Variants in SCAF8 observed in about 807,000 individuals in gnomAD.
SCAF8 encodes the protein SR-related CTD associated factor 8, also known as SR-related and CTD-associated factor 8.
SCAF8 carries 23 observed loss-of-function variants against 140.5 expected under a neutral mutation model. That is an observed-to-expected ratio of 0.16 (90% CI 0.12 to 0.23). The LOEUF is 0.23. Among genes scored for constraint, SCAF8 ranks in the 10% least tolerant of loss-of-function variants. SCAF8 has a pLI of 1.00. For missense variants in SCAF8, 1,397 were observed against 1,555.7 expected, an observed-to-expected ratio of 0.90 and a Z score of 1.72; for synonymous variants, 575 against 528.9, an observed-to-expected ratio of 1.09 and a Z score of -1.20.
At chr6:154,771,660 G>A (rs1459300601) in intron 1 of SCAF8, among the ~76,000 whole-genome samples, 2 of 152,160 alleles carry the variant, frequency 1.3e-5, no homozygotes, top group African/African-American at 2.4e-5. Context: ...CCAAATGCAT[G>A]TTCTCACAAG....
rs539968106 is a variant in SCAF8, at chr6:154,757,239, C to T, written c.31-16750C>T. 1.5e-3 allele frequency among the ~76,000 whole-genome samples: 228 copies of T among 152,296 alleles called. 1 individual carries two copies. Among genetic ancestry groups the T allele is most frequent in the South Asian group, 2.7e-3 (13 of 4,824 alleles). On this transcript the variant is annotated intron_variant, in intron 1 of 19. Coordinates refer to ENST00000367178, the MANE Select transcript of SCAF8 (RefSeq NM_014892.5). The stretch of plus-strand genomic sequence containing the variant: ...CAAACTCCTGGCCTCAAGTGATCTG[C>T]CTGCCTTGGCCTCCCAAAGTGCTGG...
chr6:154,779,450 A>G (rs979392295), intron 3 of SCAF8, among the ~76,000 whole-genome samples: 2 of 152,190 alleles, frequency 1.3e-5, no homozygotes, highest in African/African-American at 4.8e-5. Context: ...GGAACCTGAG[A>G]TTCTGCATTT....
In SCAF8 at chr6:154,805,376, G is replaced by A. The variant is rs945026825; in HGVS notation, c.871G>A (p.Val291Ile). The change falls in exon 9 of 20, where the codon GTT becomes ATT. Residue 291 changes from valine (V) to isoleucine (I), a missense_variant. Transcript: ENST00000367178. ...ACCTGTTTTTCCTTTTAGTTCTCAC[G>A]TTTCAGAATCTGTGAACAATTCCAT... The part of the protein sequence containing the change: ...KEIPASQLSH[V>I]SESVNNSIFH... 2 of 1,598,668 alleles carry A rather than the reference G, an allele frequency of 1.3e-6. No individual in the cohort carries two copies. The highest frequency in any genetic ancestry group is 8.6e-7 in the Non-Finnish European group (1 of 1,167,882).
intron 12 of SCAF8, among the ~76,000 whole-genome samples, chr6:154,812,176 CTTTTTTT>C (rs67493657): frequency 3.8e-5 from 4 of 106,404 alleles, no homozygotes; most frequent in Non-Finnish European, 7.2e-5. Context: ...AAGATACTGC[CTTTTTTT>C]TTTTTTTTTT....
intron 1 of SCAF8, among the ~76,000 whole-genome samples, chr6:154,735,805 C>T (rs1778401573): frequency 6.6e-6 from 1 of 151,816 alleles, no homozygotes; most frequent in African/African-American, 2.4e-5. Context: ...TGTGCCACTG[C>T]GCCTGGTGTT....
In SCAF8 at chr6:154,831,703, T is replaced by TA. The variant is rs58013583; in HGVS notation, c.2360-197dup. 9.0e-3 allele frequency among the ~76,000 whole-genome samples: 434 copies of TA among 48,088 alleles called. 49 individuals are homozygous for TA. The highest frequency in any genetic ancestry group is 0.013 in the South Asian group (10 of 762). 31.5% of individuals were successfully genotyped at this position (48,088 alleles called of 152,430 possible). A position where few individuals can be genotyped will look rare whatever the true frequency, so the allele number is the denominator to read the frequency against. ...CCTTTTAAACCTCCACTCCTGTTCT[T>TA]AAAAAAAAAAAAAAAAAAAAAAAAA... On this transcript the variant is annotated intron_variant, in intron 19 of 19. Transcript: ENST00000367178.
In SCAF8 at chr6:154,830,950, A is replaced by C. The variant is rs532402618; in HGVS notation, c.2169A>C (p.Thr723=). 2.5e-5 allele frequency: 40 copies of C among 1,614,112 alleles called. No homozygotes were observed. In the Admixed American group the frequency reaches 2.5e-4, roughly 10 times the overall value. Residue 723 remains threonine (T), a synonymous_variant, in exon 19 of 20, where the codon ACA becomes ACC. Coordinates refer to ENST00000367178, the MANE Select transcript of SCAF8 (RefSeq NM_014892.5). ...TAGTGCAGCCGTCATTATCCATGAC[A>C]CCGGAAACTGTGAAAGATGTTGGAT... is the stretch of plus-strand genomic sequence containing the variant. ...TSLVQPSLSM[T]PETVKDVGFG... is the part of the protein sequence containing the mutation.
Position 154,746,713 on chromosome 6 carries a change from C to T in SCAF8, c.30+12783C>T, listed in dbSNP as rs1778708398. Reference sequence around the variant, plus strand: ...TTCATTTTTTGTTTTTGTCTAAGGGCATGTAGTTAAAATACTATGTACAAA... The same window carrying T: ...TTCATTTTTTGTTTTTGTCTAAGGGTATGTAGTTAAAATACTATGTACAAA... On this transcript the variant is annotated intron_variant, in intron 1 of 19. Coordinates refer to ENST00000367178, the MANE Select transcript of SCAF8 (RefSeq NM_014892.5). 2.0e-5 allele frequency among the ~76,000 whole-genome samples: 3 copies of T among 152,116 alleles called. No individual in the cohort carries two copies. The South Asian group carries it at 6.2e-4, about 31-fold the overall frequency.
chr6:154,769,571 T>G (rs1562436079), intron 1 of SCAF8, among the ~76,000 whole-genome samples: 1 of 152,246 alleles, frequency 6.6e-6, no homozygotes, highest in Non-Finnish European at 1.5e-5. Flanking sequence ...GCTTTTTATT[T>G]TGATAATAGC....
In SCAF8 at chr6:154,733,663, T is replaced by G. The variant is rs1429921892; in HGVS notation, c.-238T>G. On this transcript the variant is annotated 5_prime_UTR_variant, in exon 1 of 20. Transcript: ENST00000367178. ...CGCCGACCCGCCCCGGCAGCGCCTC[T>G]GTTCCCTAGAACGGCGCTCCCCCCG... 1 of 1,161,682 alleles carries G rather than the reference T, an allele frequency of 8.6e-7. No homozygotes were observed. The highest frequency in any genetic ancestry group is 1.7e-5 in the African/African-American group (1 of 58,596). The allele number at this position is 1,161,682 out of a possible 1,614,324, so 72.0% of individuals were successfully genotyped here.
At chr6:154,778,997 GTT>G (rs1300162609) in intron 3 of SCAF8, among the ~76,000 whole-genome samples, 1 of 152,072 alleles carries the variant, frequency 6.6e-6, no homozygotes, top group East Asian at 1.9e-4. Flanking sequence ...TTCTTTAAAA[GTT>G]TTAATGTCTG....
Position 154,733,710 on chromosome 6 carries a change from C to A in SCAF8, c.-191C>A, listed in dbSNP as rs936826275. The A allele has an allele frequency of 1.1e-4, 151 of 1,317,816 alleles. 2 individuals carry two copies. In the Admixed American group the frequency reaches 4.9e-3, roughly 43 times the overall value. 81.6% of individuals were successfully genotyped at this position (1,317,816 alleles called of 1,614,324 possible). Reference sequence around the variant, plus strand: ...CCCGCCCTAGCGGCCATGCCGGTGCCGCTCTGCCGCTGAGGGAGCCCTTCC... The same window carrying A: ...CCCGCCCTAGCGGCCATGCCGGTGCAGCTCTGCCGCTGAGGGAGCCCTTCC... On this transcript the variant is annotated 5_prime_UTR_variant, in exon 1 of 20. Coordinates refer to ENST00000367178, the MANE Select transcript of SCAF8 (RefSeq NM_014892.5).
chr6:154,740,316 A>T (rs1238929670), intron 1 of SCAF8, among the ~76,000 whole-genome samples: 1 of 152,186 alleles, frequency 6.6e-6, no homozygotes, highest in East Asian at 1.9e-4. Context: ...ATTAGATGCC[A>T]CTAGCACCCT....
chr6:154,738,408 G>A (rs1447285321), intron 1 of SCAF8, among the ~76,000 whole-genome samples: 1 of 152,132 alleles, frequency 6.6e-6, no homozygotes, highest in Non-Finnish European at 1.5e-5. Context: ...TAATTGTGCA[G>A]GAATTATGTG....
intron 1 of SCAF8, among the ~76,000 whole-genome samples, chr6:154,736,661 T>G (rs1778429715): frequency 6.6e-6 from 1 of 152,144 alleles, no homozygotes; most frequent in Non-Finnish European, 1.5e-5. Flanking sequence ...GGAAGAAATG[T>G]TAATTCCAGT....
intron 1 of SCAF8, among the ~76,000 whole-genome samples, chr6:154,753,478 T>C (rs1394692969): frequency 6.9e-6 from 1 of 145,910 alleles, no homozygotes; most frequent in East Asian, 2.0e-4. Context: ...AAAAAATAAA[T>C]TAAAAAAAAA....
At chr6:154,801,871 A>G in intron 6 of SCAF8, 100 bp from the exon 7 acceptor site, 1 of 718,478 alleles carries the variant, frequency 1.4e-6, no homozygotes, top group Non-Finnish European at 2.3e-6. Context: ...TTTCAAAGAG[A>G]GTGTGGAATG....
chr6:154,735,492 A>C (rs1025979559), intron 1 of SCAF8, among the ~76,000 whole-genome samples: 27 of 151,032 alleles, frequency 1.8e-4, no homozygotes, highest in African/African-American at 5.6e-4. Flanking sequence ...AACATTGATA[A>C]ATTAGAGCAA....
intron 7 of SCAF8, 28 bp downstream of exon 7, chr6:154,802,175 T>C (rs766299642): frequency 2.2e-6 from 3 of 1,388,236 alleles, no homozygotes; most frequent in Non-Finnish European, 2.9e-6. Flanking sequence ...GGATCAAGTC[T>C]ATATGAATTA....
Sources: allele counts gnomAD v4.1 joint callset (sites outside exome capture counted in the v4.1 genomes callset), GRCh38; gene constraint gnomAD v4.1.1; transcripts MANE v1.5; gene names NCBI Gene and HGNC (gene_info 2026-07-23, HGNC 2026-07-21).